ZFYVE9: variants seen among roughly 807,000 people sequenced by gnomAD.
ZFYVE9 encodes zinc finger FYVE-type containing 9.
ZFYVE9 carries 43 observed loss-of-function variants against 126.7 expected under a neutral mutation model. The ratio of observed to expected loss-of-function variants is 0.34; its 90% confidence interval spans 0.27 to 0.44. The LOEUF (loss-of-function observed/expected upper bound fraction) is 0.44, where lower values mean the gene tolerates loss of function less well. Among genes scored for constraint, ZFYVE9 ranks in the 20% least tolerant of loss-of-function variants. The pLI is 1.00. For missense variants in ZFYVE9, 1,476 were observed against 1,697.0 expected, an observed-to-expected ratio of 0.87 and a Z score of 2.29; for synonymous variants, 521 against 597.4, an observed-to-expected ratio of 0.87 and a Z score of 1.87.
At chr1:52,313,170 A>G (rs1196335817) in intron 13 of ZFYVE9, among the ~76,000 whole-genome samples, 1 of 152,182 alleles carries the variant, frequency 6.6e-6, no homozygotes, top group Non-Finnish European at 1.5e-5. Context: ...GCCTCCAGAA[A>G]TGTAAGACAA....
chr1:52,204,312 A>G (rs1644952997), intron 1 of ZFYVE9, among the ~76,000 whole-genome samples: 1 of 152,182 alleles, frequency 6.6e-6, no homozygotes, highest in Non-Finnish European at 1.5e-5. Context: ...TAGAGGGGAC[A>G]GGATAGCAAG....
chr1:52,343,981 A>C (rs1646463109), intron 17 of ZFYVE9, among the ~76,000 whole-genome samples: 1 of 151,942 alleles, frequency 6.6e-6, no homozygotes, highest in Non-Finnish European at 1.5e-5. Flanking sequence ...CTGAAGCAGG[A>C]GAATCACTTG....
chr1:52,338,650 T>C (rs1646409773), intron 16 of ZFYVE9, among the ~76,000 whole-genome samples: 1 of 152,218 alleles, frequency 6.6e-6, no homozygotes, highest in Non-Finnish European at 1.5e-5. Flanking sequence ...TAAACTTAAA[T>C]TCAAGTAATT....
At chr1:52,166,752 AC>A (rs1353372501) in intron 1 of ZFYVE9, among the ~76,000 whole-genome samples, 1 of 152,178 alleles carries the variant, frequency 6.6e-6, no homozygotes, top group Non-Finnish European at 1.5e-5. Flanking sequence ...TCTACAAAAA[AC>A]AAAAAAGTCA....
At chr1:52,330,157 C>A (rs769698731) in intron 13 of ZFYVE9, among the ~76,000 whole-genome samples, 6 of 152,208 alleles carry the variant, frequency 3.9e-5, no homozygotes, top group Non-Finnish European at 8.8e-5. Context: ...GTGGGCGGAC[C>A]ACTTGAGGTC....
chr1:52,294,588 A>G (rs1270200912), intron 11 of ZFYVE9, among the ~76,000 whole-genome samples: 1 of 152,224 alleles, frequency 6.6e-6, no homozygotes, highest in Non-Finnish European at 1.5e-5. Flanking sequence ...TACAGAAATA[A>G]TGATTGTAGT....
At chr1:52,189,213 A>C (rs1644793989) in intron 1 of ZFYVE9, among the ~76,000 whole-genome samples, 1 of 150,116 alleles carries the variant, frequency 6.7e-6, no homozygotes, top group Non-Finnish European at 1.5e-5. Context: ...CTAGGATTAC[A>C]GGCATGAGCC....
At chr1:52,253,724 C>T in intron 4 of ZFYVE9, 1 of 1,607,550 alleles carries the variant, frequency 6.2e-7, no homozygotes, top group Non-Finnish European at 8.5e-7. Flanking sequence ...TCACTCTCAT[C>T]TTGCAAACCA....
intron 12 of ZFYVE9, among the ~76,000 whole-genome samples, chr1:52,303,496 C>T (rs926971040): frequency 2.6e-5 from 4 of 152,154 alleles, no homozygotes; most frequent in Non-Finnish European, 5.9e-5. Flanking sequence ...TTTGTACTCT[C>T]TTGGAGCTTC....
Position 52,151,896 on chromosome 1 carries a change from A to G in ZFYVE9, c.-143+9493A>G, listed in dbSNP as rs1188661250. Reference sequence around the variant, plus strand: ...AATAAGTTTGGGTTTTCAGCTTACTATATATCCCTTAGGTAGAAGTTTGCA... The same window carrying G: ...AATAAGTTTGGGTTTTCAGCTTACTGTATATCCCTTAGGTAGAAGTTTGCA... On this transcript the variant is annotated intron_variant, in intron 1 of 18. Transcript: ENST00000287727. 3.9e-5 allele frequency among the ~76,000 whole-genome samples: 6 copies of G among 152,138 alleles called. No individual in the cohort carries two copies. The South Asian group carries it at 6.2e-4, about 16-fold the overall frequency.
At chr1:52,314,668 A>T (rs1557515673) in intron 13 of ZFYVE9, among the ~76,000 whole-genome samples, 1 of 152,070 alleles carries the variant, frequency 6.6e-6, no homozygotes, top group Non-Finnish European at 1.5e-5. Flanking sequence ...AAATAGAAAA[A>T]AATTAACCGG....
intron 1 of ZFYVE9, among the ~76,000 whole-genome samples, chr1:52,205,397 G>A (rs186538502): frequency 6.6e-6 from 1 of 151,852 alleles, no homozygotes; most frequent in Admixed American, 6.6e-5. Context: ...TTAAGAGATG[G>A]GGTTTCACTC....
rs1226631461 is a variant in ZFYVE9 at position 52,254,506 on chromosome 1, A to G, written c.2179-9267A>G. Among the ~76,000 whole-genome samples the G allele has an allele frequency of 2.0e-5, 3 of 152,216 alleles. No individual in the cohort carries two copies. The East Asian group carries it at 5.8e-4, about 29-fold the overall frequency. ...GGAGTTCAAGAGCAGTGTGGGCAAC[A>G]TGGCAAGACCTCATCTCTGCCAAAC... On this transcript the variant is annotated intron_variant, in intron 4 of 18. Transcript: ENST00000287727.
At chr1:52,176,918 G>A (rs1165158476) in intron 1 of ZFYVE9, among the ~76,000 whole-genome samples, 1 of 152,180 alleles carries the variant, frequency 6.6e-6, no homozygotes, top group African/African-American at 2.4e-5. Flanking sequence ...GACCAGGAAA[G>A]GGAACTCCCT....
chr1:52,163,645 A>G (rs749562497), intron 1 of ZFYVE9, among the ~76,000 whole-genome samples: 33 of 152,162 alleles, frequency 2.2e-4, no homozygotes, highest in Non-Finnish European at 3.5e-4. Flanking sequence ...TATCCATCAC[A>G]TATTTCATTA....
At chr1:52,172,098 T>TTA (rs966682385) in intron 1 of ZFYVE9, among the ~76,000 whole-genome samples, 4 of 152,156 alleles carry the variant, frequency 2.6e-5, no homozygotes, top group African/African-American at 9.7e-5. Flanking sequence ...TGAATGGTAA[T>TTA]GCCTAGGTTT....
At chr1:52,174,008 T>G (rs1214558313) in intron 1 of ZFYVE9, among the ~76,000 whole-genome samples, 3 of 151,996 alleles carry the variant, frequency 2.0e-5, no homozygotes, top group African/African-American at 7.2e-5. Context: ...TTTCCTTCAG[T>G]TCTGCTCTGA....
Position 52,238,652 on chromosome 1 carries a change from A to C in ZFYVE9, c.1235A>C (p.Asp412Ala). The change falls in exon 4 of 19, where the codon GAT (aspartate) becomes GCT (alanine). Residue 412 changes from aspartate to alanine, a missense_variant. Around this residue, in one of 2 missense-constraint regions of ZFYVE9, gnomAD observed 807 missense variants for 794.6 expected, o/e 1.02. Coordinates refer to ENST00000287727, the MANE Select transcript of ZFYVE9 (RefSeq NM_004799.4). ...WKLTKLNEMN[D>A]SQVNEEKEKF... is the part of the protein sequence containing the mutation. ...TTGACTAAACTAAATGAGATGAATGATAGCCAAGTAAACGAAGAAAAGGAA... is the reference window on the plus strand; with the variant it reads ...TTGACTAAACTAAATGAGATGAATGCTAGCCAAGTAAACGAAGAAAAGGAA... The C allele has an allele frequency of 6.2e-7, 1 of 1,614,126 alleles. No homozygotes were observed. Among genetic ancestry groups the C allele is most frequent in the East Asian group, 2.2e-5 (1 of 44,874 alleles).
intron 13 of ZFYVE9, among the ~76,000 whole-genome samples, chr1:52,304,786 C>T (rs921967202): frequency 1.8e-4 from 28 of 151,628 alleles, no homozygotes; most frequent in Non-Finnish European, 3.5e-4. Context: ...CCATGACTTT[C>T]CACGTGATTT....
Sources: allele counts gnomAD v4.1 joint callset (sites outside exome capture counted in the v4.1 genomes callset), GRCh38; gene constraint gnomAD v4.1.1; regional missense constraint gnomAD v4.1.1; transcripts MANE v1.5; gene names NCBI Gene and HGNC (gene_info 2026-07-23, HGNC 2026-07-21).